Variants in UPK3A observed in about 807,000 individuals in gnomAD.
UPK3A encodes the protein uroplakin-3a.
In UPK3A, 32 loss-of-function variants were observed where a neutral mutation model predicts 27.6. The ratio of observed to expected loss-of-function variants is 1.16; its 90% confidence interval spans 0.87 to 1.55. UPK3A has a LOEUF of 1.55. Ranked by LOEUF, UPK3A falls within the 40% of genes most tolerant of loss-of-function variation. The pLI, the probability that UPK3A is intolerant of heterozygous loss-of-function variation, is 0.00. For missense variants in UPK3A, 370 were observed against 367.9 expected (o/e 1.01, Z -0.05); for synonymous variants, 171 against 163.9 (o/e 1.04, Z -0.33).
At chr22:45,286,851 T>C (rs1727233430) in intron 2 of UPK3A, among the ~76,000 whole-genome samples, 1 of 152,198 alleles carries the variant, frequency 6.6e-6, no homozygotes, top group South Asian at 2.1e-4. Context: ...CTTGGACCGA[T>C]GACCTTCCTT....
intron 3 of UPK3A, 22 bp from the exon 4 acceptor site, chr22:45,289,039 C>G (rs755527006): frequency 8.7e-6 from 14 of 1,612,550 alleles, no homozygotes; most frequent in African/African-American, 1.3e-5. Context: ...ATAAAAGTCA[C>G]CCTGGCTCCG....
At chr22:45,293,110 C>T in intron 4 of UPK3A, 71 bp from the exon 5 acceptor site, 10 of 1,597,916 alleles carry the variant, frequency 6.3e-6, no homozygotes, top group Non-Finnish European at 8.5e-7. Flanking sequence ...GGGGAGACAC[C>T]CGCCGCCTCC....
intron 4 of UPK3A, among the ~76,000 whole-genome samples, chr22:45,292,387 C>T (rs551579061): frequency 6.6e-6 from 1 of 152,252 alleles, no homozygotes; most frequent in South Asian, 2.1e-4. Flanking sequence ...AGAATGGGGT[C>T]TCCAGGGGAC....
At position 45,295,565 on chromosome 22, in the gene UPK3A, T is replaced by C. The variant is rs149149810; in HGVS notation, c.710T>C (p.Met237Thr). The C allele has an allele frequency of 3.1e-6, 5 of 1,614,012 alleles. No individual in the cohort carries two copies. The highest frequency in any genetic ancestry group is 2.2e-5 in the East Asian group (1 of 44,838). Residue 237 changes from methionine to threonine, a missense_variant, in exon 6 of 6, where the codon ATG becomes ACG. Met to Thr is a moderately conservative substitution (Grantham distance 81, BLOSUM62 -1). Transcript: ENST00000216211. ...AGAIALSLVDMGSSDGETTHD... is the reference protein window; with the variant it reads ...AGAIALSLVDTGSSDGETTHD... ...CTTTCCATCCCCTTGGACAGGGACA[T>C]GGGGAGTTCTGATGGGGAAACGACT... is the stretch of plus-strand genomic sequence containing the variant.
chr22:45,285,155 C>T, intron 1 of UPK3A, 90 bp downstream of exon 1: 2 of 1,224,854 alleles, frequency 1.6e-6, no homozygotes, highest in South Asian at 1.4e-5. Flanking sequence ...TGATTCCTGG[C>T]GCTGGGGACC....
intron 5 of UPK3A, 24 bp from the exon 6 acceptor site, chr22:45,295,536 G>T (rs764741720): frequency 6.2e-7 from 1 of 1,614,028 alleles, no homozygotes; most frequent in South Asian, 1.1e-5. Context: ...CCCTAATCCT[G>T]GGTCTTTCCA....
In UPK3A at chr22:45,287,219, G is replaced by A. The variant is rs780518801; in HGVS notation, c.256G>A (p.Gly86Ser). 6.2e-6 allele frequency: 10 copies of A among 1,614,064 alleles called. No individual in the cohort carries two copies. The highest frequency in any genetic ancestry group is 1.7e-5 in the Admixed American group (1 of 59,996). Reference sequence around the variant, plus strand: ...GCAAGACAGCACCAACACCCCACTGGGCTCAACGTTCCTACAAACAGAGGG... The same window carrying A: ...GCAAGACAGCACCAACACCCCACTGAGCTCAACGTTCCTACAAACAGAGGG... ...SVQDSTNTPL[G>S]STFLQTEGGR... is the part of the protein sequence containing the mutation. Residue 86 changes from glycine (G) to serine (S), a missense_variant, in exon 3 of 6, where the codon GGC becomes AGC. Coordinates refer to ENST00000216211, the MANE Select transcript of UPK3A (RefSeq NM_006953.4).
rs77091115 is a variant in UPK3A, at chr22:45,289,577, C to CA, written c.571+450dup. Among the ~76,000 whole-genome samples the CA allele has an allele frequency of 5.4e-3, 432 of 79,938 alleles. 4 individuals are homozygous for CA. Among genetic ancestry groups the CA allele is most frequent in the African/African-American group, 0.014 (282 of 20,414 alleles). 52.4% of individuals were successfully genotyped at this position (79,938 alleles called of 152,430 possible). A position where few individuals can be genotyped will look rare whatever the true frequency, so the allele number is the denominator to read the frequency against. Reference sequence around the variant, plus strand: ...TGGGCGACAGAGTGAGACTCCGTCTCAAAAAAAAAAAAAAAAGAAAAAAAA... The same window carrying CA: ...TGGGCGACAGAGTGAGACTCCGTCTCAAAAAAAAAAAAAAAAAGAAAAAAAA... On this transcript the variant is annotated intron_variant, in intron 4 of 5. Transcript: ENST00000216211.
At chr22:45,294,414 C>CT (rs953957695) in intron 5 of UPK3A, among the ~76,000 whole-genome samples, 1 of 65,776 alleles carries the variant, frequency 1.5e-5, no homozygotes, top group African/African-American at 3.7e-4. Context: ...CCCTGGTACA[C>CT]CCCCCCCGGG....
intron 4 of UPK3A, 50 bp downstream of exon 4, chr22:45,289,193 CG>C (rs1404054431): frequency 1.9e-6 from 3 of 1,588,868 alleles, no homozygotes; most frequent in Non-Finnish European, 1.7e-6. Context: ...CCCGAGAAGG[CG>C]GGGCCAGCCA....
chr22:45,285,985 A>AACAACCCCACACTTACCACTGTGG lies in UPK3A; in HGVS notation c.98_121dup (p.Val40_Ala41insAspAsnProThrLeuThrThrVal). ...ACTGGCCAGTGTGACTTTCGCCACC[A>AACAACCCCACACTTACCACTGTGG]ACAACCCCACACTTACCACTGTGGC... On this transcript the variant is annotated inframe_insertion, in exon 2 of 6. Transcript: ENST00000216211. The AACAACCCCACACTTACCACTGTGG allele has an allele frequency of 6.2e-7, 1 of 1,614,112 alleles. No individual in the cohort carries two copies. Among genetic ancestry groups the AACAACCCCACACTTACCACTGTGG allele is most frequent in the Admixed American group, 1.7e-5 (1 of 60,016 alleles).
rs1569103738 is a variant in UPK3A, at chr22:45,287,195, C to G, written c.232C>G (p.Gln78Glu). Residue 78 changes from glutamine (Q) to glutamate (E), a missense_variant, in exon 3 of 6, where the codon CAA (glutamine) becomes GAA (glutamate). Coordinates refer to ENST00000216211, the MANE Select transcript of UPK3A (RefSeq NM_006953.4). The stretch of plus-strand genomic sequence containing the variant: ...AGCCATTTCCAGGAATGCCTCAGTG[C>G]AAGACAGCACCAACACCCCACTGGG... ...DSAISRNASV[Q>E]DSTNTPLGST... The G allele has an allele frequency of 2.5e-6, 4 of 1,614,092 alleles. No homozygotes were observed. The African/African-American group carries it at 4.0e-5, about 16-fold the overall frequency.
rs779072944 is a variant in UPK3A, at chr22:45,295,754, C to T, written c.*35C>T. On this transcript the variant is annotated 3_prime_UTR_variant, in exon 6 of 6. Coordinates refer to ENST00000216211, the MANE Select transcript of UPK3A (RefSeq NM_006953.4). ...CACCCCTGGGCAGCAGCATCCTCCT[C>T]TCTGGCCTTGCCCCAGGCCCTGCAG... 3.7e-6 allele frequency: 6 copies of T among 1,612,312 alleles called. No homozygotes were observed. In the African/African-American group the frequency reaches 8.0e-5, roughly 22 times the overall value.
intron 2 of UPK3A, among the ~76,000 whole-genome samples, 185 bp from the exon 3 acceptor site, chr22:45,286,987 G>A (rs1034750198): frequency 6.6e-6 from 1 of 152,202 alleles, no homozygotes; most frequent in Non-Finnish European, 1.5e-5. Context: ...AAAGCAGGGA[G>A]GTGATCCTTG....
intron 1 of UPK3A, 23 bp downstream of exon 1, chr22:45,285,088 G>C (rs1045592343): frequency 9.8e-6 from 15 of 1,533,682 alleles, no homozygotes; most frequent in Non-Finnish European, 1.3e-5. Context: ...GGGCAGGAGG[G>C]GGCTGAGCCC....
intron 4 of UPK3A, among the ~76,000 whole-genome samples, chr22:45,291,459 G>A (rs1184860710): frequency 1.4e-5 from 2 of 147,602 alleles, no homozygotes; most frequent in Non-Finnish European, 3.0e-5. Flanking sequence ...TGTGGCAGGT[G>A]TGTGTGTGAG....
rs367895195 is a variant in UPK3A, at chr22:45,291,728, C to T, written c.572-1453C>T. On this transcript the variant is annotated intron_variant, in intron 4 of 5. Coordinates refer to ENST00000216211, the MANE Select transcript of UPK3A (RefSeq NM_006953.4). ...GTGGCAGTGTGTGTGAGTTGGTATG[C>T]GTGGTGTGTGTAACTGTGTGTGTGT... Among the ~76,000 whole-genome samples, 470 of 108,030 alleles carry T rather than the reference C, an allele frequency of 4.4e-3. 5 individuals are homozygous for T. Among genetic ancestry groups the T allele is most frequent in the African/African-American group, 0.016 (438 of 26,820 alleles). 70.9% of individuals were successfully genotyped at this position (108,030 alleles called of 152,430 possible). A position where few individuals can be genotyped will look rare whatever the true frequency, so the allele number is the denominator to read the frequency against.
At chr22:45,295,507 A>T in intron 5 of UPK3A, 53 bp from the exon 6 acceptor site, 1 of 1,606,382 alleles carries the variant, frequency 6.2e-7, no homozygotes, top group Non-Finnish European at 8.5e-7. Context: ...AGCTAAAGGC[A>T]TTTGGGTTTG....
At chr22:45,289,266 G>A in intron 4 of UPK3A, 123 bp downstream of exon 4, 1 of 951,210 alleles carries the variant, frequency 1.1e-6, no homozygotes, top group Non-Finnish European at 1.6e-6. Flanking sequence ...GCAGTGATGA[G>A]TAAAATGCTC....
Sources: allele counts gnomAD v4.1 joint callset (sites outside exome capture counted in the v4.1 genomes callset), GRCh38; gene constraint gnomAD v4.1.1; transcripts MANE v1.5; gene names NCBI Gene and HGNC (gene_info 2026-07-23, HGNC 2026-07-21).